The following DMD variants were observed in gnomAD, a reference collection of about 807,000 sequenced individuals.
DMD encodes the protein dystrophin, also known as mutant dystrophin.
Under a neutral mutation model 330.1 loss-of-function variants are expected in DMD, and 63 were observed. That is an observed-to-expected ratio of 0.19 (90% confidence interval 0.16 to 0.24). The LOEUF is 0.24. Ranked by LOEUF, DMD falls within the 10% of genes least tolerant of loss-of-function variation. The probability of loss-of-function intolerance (pLI) is 1.00; values close to 1 mark genes in which losing one functional copy is unlikely to be tolerated. For missense variants in DMD, 3,344 were observed against 2,684.1 expected, an observed-to-expected ratio of 1.25 and a Z score of -5.43; for synonymous variants, 1,223 against 959.8, an observed-to-expected ratio of 1.27 and a Z score of -5.07.
At chrX:32,497,209 T>G (rs986234860) in intron 19 of DMD, among the ~76,000 whole-genome samples, 1 of 111,761 alleles carries the variant, frequency 8.9e-6, no homozygotes, top group African/African-American at 3.2e-5. Flanking sequence ...AGTTACTTGG[T>G]TAATGTTATG....
At chrX:31,233,423 G>C (rs17340602) in intron 63 of DMD, among the ~76,000 whole-genome samples, 1,528 of 111,505 alleles carry the variant, frequency 0.014, 86 homozygotes, top group Admixed American at 0.12. Context: ...GTTATAAAAG[G>C]TAAGACTCTA....
intron 2 of DMD, among the ~76,000 whole-genome samples, chrX:32,921,261 C>T (rs1327514120): frequency 1.8e-5 from 2 of 111,852 alleles, no homozygotes; most frequent in Non-Finnish European, 3.8e-5. Flanking sequence ...TGGTTCCCAT[C>T]TGTCAACTGG....
chrX:32,225,349 C>A (rs761327936), intron 43 of DMD, among the ~76,000 whole-genome samples: 4 of 111,410 alleles, frequency 3.6e-5, no homozygotes, highest in Non-Finnish European at 7.5e-5. Context: ...TGTAATTGGC[C>A]CATGGGCAGG....
intron 60 of DMD, among the ~76,000 whole-genome samples, chrX:31,434,146 T>C (rs1211916422): frequency 1.8e-5 from 2 of 111,276 alleles, no homozygotes; most frequent in African/African-American, 3.3e-5. Context: ...TCTGTGATAA[T>C]GATGGGAAAT....
intron 43 of DMD, among the ~76,000 whole-genome samples, chrX:32,220,708 A>G (rs1201327729): frequency 1.8e-5 from 2 of 111,247 alleles, no homozygotes; most frequent in Non-Finnish European, 3.8e-5. Flanking sequence ...CTAATTAGTC[A>G]CTGTGCTCCC....
At chrX:31,339,375 T>C (rs2057597243) in intron 61 of DMD, among the ~76,000 whole-genome samples, 1 of 111,446 alleles carries the variant, frequency 9.0e-6, no homozygotes, top group Admixed American at 9.6e-5. Context: ...TTTGAATTTA[T>C]AGGGGCATTA....
intron 25 of DMD, among the ~76,000 whole-genome samples, chrX:32,455,851 C>A (rs1390678051): frequency 1.8e-5 from 2 of 111,184 alleles, no homozygotes; most frequent in African/African-American, 6.5e-5. Context: ...AAAACATCTG[C>A]TATTTAAAGC....
intron 57 of DMD, among the ~76,000 whole-genome samples, chrX:31,487,373 G>C (rs2068892066): frequency 9.1e-6 from 1 of 109,524 alleles, no homozygotes; most frequent in South Asian, 4.0e-4. Flanking sequence ...CCATTCTCCT[G>C]CCTCAGCCTC....
intron 57 of DMD, among the ~76,000 whole-genome samples, chrX:31,481,336 T>G (rs1015319301): frequency 8.9e-6 from 1 of 111,755 alleles, no homozygotes; most frequent in Non-Finnish European, 1.9e-5. Context: ...ATACAGAGTA[T>G]GTATTTGAGA....
intron 9 of DMD, among the ~76,000 whole-genome samples, chrX:32,696,304 C>T (rs1018922838): frequency 8.9e-6 from 1 of 111,914 alleles, no homozygotes; most frequent in Non-Finnish European, 1.9e-5. Flanking sequence ...ACTTATCAAA[C>T]CTAACTACAT....
rs764610544 is a variant in DMD at position 31,293,383 on chromosome X, C to CA, written c.9224+30214dup. On this transcript the variant is annotated intron_variant, in intron 62 of 78. Transcript: ENST00000357033. ...TTCTGAATGTGGGTCATTCTTCAAG[C>CA]AAAAAAAAGAGATTCAATCAACTTA... Among the ~76,000 whole-genome samples the CA allele has an allele frequency of 2.0e-4, 22 of 109,133 alleles. No homozygotes were observed. In the South Asian group the frequency reaches 3.5e-3, roughly 17 times the overall value. 94.8% of individuals were successfully genotyped at this position (109,133 alleles called of 115,157 possible).
intron 29 of DMD, among the ~76,000 whole-genome samples, chrX:32,428,318 C>G (rs1356635795): frequency 2.7e-5 from 3 of 111,794 alleles, no homozygotes; most frequent in African/African-American, 9.7e-5. Context: ...ACTATTGATT[C>G]TAGCTTGTTA....
At chrX:33,136,503 T>G (rs1265315746) in intron 1 of DMD, among the ~76,000 whole-genome samples, 1 of 108,243 alleles carries the variant, frequency 9.2e-6, no homozygotes, top group Non-Finnish European at 1.9e-5. Flanking sequence ...GTTGAATATT[T>G]GTGTCCCTCC....
rs140459599 is a variant in DMD at position 32,740,811 on chromosome X, G to T, written c.650-41518C>A. Among the ~76,000 whole-genome samples, 7 of 111,177 alleles carry T rather than the reference G, an allele frequency of 6.3e-5. No individual in the cohort carries two copies. In the East Asian group the frequency reaches 2.0e-3, roughly 32 times the overall value. ...TTTCTATGATCTTTCTCATAGACTTGCTGGGTAAAATTTGTTATCCCAAGG... is the reference window on the plus strand; with the variant it reads ...TTTCTATGATCTTTCTCATAGACTTTCTGGGTAAAATTTGTTATCCCAAGG... On this transcript the variant is annotated intron_variant, in intron 7 of 78. Coordinates refer to ENST00000357033, the MANE Select transcript of DMD (RefSeq NM_004006.3).
intron 60 of DMD, among the ~76,000 whole-genome samples, chrX:31,440,610 C>T (rs1191684654): frequency 3.6e-5 from 4 of 111,882 alleles, no homozygotes; most frequent in Non-Finnish European, 7.5e-5. Flanking sequence ...TTTCCTTACA[C>T]GTAAAAGGGA....
At chrX:33,034,729 G>A (rs1030543820) in intron 1 of DMD, among the ~76,000 whole-genome samples, 5 of 112,170 alleles carry the variant, frequency 4.5e-5, no homozygotes, top group Non-Finnish European at 9.4e-5. Context: ...AGTATGCTCT[G>A]GAATCATACG....
At chrX:32,129,367 G>T (rs1477270613) in intron 44 of DMD, among the ~76,000 whole-genome samples, 2 of 111,086 alleles carry the variant, frequency 1.8e-5, no homozygotes, top group Non-Finnish European at 3.8e-5. Flanking sequence ...AGTTACCAAT[G>T]CTTGATACCT....
At chrX:32,944,439 G>A (rs144440426) in intron 2 of DMD, among the ~76,000 whole-genome samples, 93 of 111,454 alleles carry the variant, frequency 8.3e-4, no homozygotes, top group Non-Finnish European at 1.6e-3. Context: ...TTAATTCACT[G>A]CATTGTGTAA....
chrX:32,439,453 T>C (rs966088498), intron 28 of DMD, among the ~76,000 whole-genome samples: 1 of 111,805 alleles, frequency 8.9e-6, no homozygotes, highest in Non-Finnish European at 1.9e-5. Context: ...ATATTCCTTA[T>C]TACTTCTAAC....
Sources: allele counts gnomAD v4.1 joint callset (sites outside exome capture counted in the v4.1 genomes callset), GRCh38; gene constraint gnomAD v4.1.1; transcripts MANE v1.5; gene names NCBI Gene and HGNC (gene_info 2026-07-23, HGNC 2026-07-21).